Variants in NELL1 observed in about 807,000 individuals in gnomAD.
The protein encoded by NELL1 is protein kinase C-binding protein NELL1.
Under a neutral mutation model 107.4 loss-of-function variants are expected in NELL1, and 76 were observed. That is an observed-to-expected ratio of 0.71 (90% confidence interval 0.59 to 0.86). The LOEUF (loss-of-function observed/expected upper bound fraction) is 0.86. NELL1 is among the 40% of genes least tolerant of loss of function. The pLI is 0.00. For synonymous variants in NELL1, 353 were observed against 341.2 expected (o/e 1.03, Z -0.38); for missense variants, 1,024 against 1,005.5 (o/e 1.02, Z -0.25).
intron 14 of NELL1, among the ~76,000 whole-genome samples, chr11:21,364,018 T>C (rs896902806): frequency 3.3e-5 from 5 of 152,202 alleles, no homozygotes; most frequent in Admixed American, 3.3e-4. Context: ...GTCTCTGTTA[T>C]ACCTACATTC....
chr11:21,284,925 G>A (rs909780217), intron 14 of NELL1: 12 of 224,086 alleles, frequency 5.4e-5, no homozygotes, highest in Non-Finnish European at 8.1e-5. Flanking sequence ...AAACATCATA[G>A]ACCACATTTG....
chr11:21,559,017 A>G (rs892190783), intron 16 of NELL1, among the ~76,000 whole-genome samples: 3 of 152,124 alleles, frequency 2.0e-5, no homozygotes, highest in African/African-American at 4.8e-5. Flanking sequence ...GATCTTTTCT[A>G]TAATTTTCAA....
chr11:21,198,991 C>A (rs1304728478), intron 13 of NELL1, among the ~76,000 whole-genome samples: 1 of 152,058 alleles, frequency 6.6e-6, no homozygotes, highest in African/African-American at 2.4e-5. Flanking sequence ...CAAGGCAGGG[C>A]CAGTGTCTGT....
chr11:21,288,671 G>A (rs1849183235), intron 14 of NELL1, among the ~76,000 whole-genome samples: 1 of 152,208 alleles, frequency 6.6e-6, no homozygotes, highest in South Asian at 2.1e-4. Flanking sequence ...TCAAAATTAA[G>A]TAAGATTGTT....
rs181281192 is a variant in NELL1 at position 21,147,286 on chromosome 11, C to G, written c.1426+33572C>G. Among the ~76,000 whole-genome samples the G allele has an allele frequency of 3.9e-5, 6 of 152,192 alleles. No homozygotes were observed. In the East Asian group the frequency reaches 9.7e-4, roughly 25 times the overall value. On this transcript the variant is annotated intron_variant, in intron 13 of 19. Coordinates refer to ENST00000357134, the MANE Select transcript of NELL1 (RefSeq NM_006157.5). ...GCTGAGAGTTTTCTCAGAGCCTTTG[C>G]TAGCTAAGGAACATTTTGAATCTCT... is the stretch of plus-strand genomic sequence containing the variant.
chr11:21,002,330 T>C (rs1379976068), intron 12 of NELL1, among the ~76,000 whole-genome samples: 1 of 76,634 alleles, frequency 1.3e-5, no homozygotes, highest in African/African-American at 1.5e-4. Flanking sequence ...GGAAAGTCTG[T>C]GCAGATATTT....
intron 15 of NELL1, among the ~76,000 whole-genome samples, chr11:21,490,161 GA>G (rs944528445): frequency 6.6e-5 from 10 of 151,564 alleles, no homozygotes; most frequent in African/African-American, 2.4e-4. Flanking sequence ...ACTAGCAGAG[GA>G]AAAAAATCAA....
chr11:21,091,488 A>G (rs191632643), intron 12 of NELL1, among the ~76,000 whole-genome samples: 47 of 152,334 alleles, frequency 3.1e-4, no homozygotes, highest in Middle Eastern at 3.4e-3. Context: ...TTTTTAATGC[A>G]TTTTCAACTA....
intron 5 of NELL1, among the ~76,000 whole-genome samples, chr11:20,912,918 T>C (rs986115108): frequency 7.2e-5 from 11 of 152,286 alleles, no homozygotes; most frequent in African/African-American, 2.6e-4. Flanking sequence ...TGGGGAATCT[T>C]ACACATTTGA....
chr11:21,435,414 A>G (rs1177814381), intron 15 of NELL1, among the ~76,000 whole-genome samples: 1 of 147,112 alleles, frequency 6.8e-6, no homozygotes, highest in Non-Finnish European at 1.5e-5. Context: ...TACCATGAAG[A>G]GATGTTAGCT....
At chr11:20,840,536 C>T (rs1460928019) in intron 3 of NELL1, among the ~76,000 whole-genome samples, 1 of 152,192 alleles carries the variant, frequency 6.6e-6, no homozygotes, top group Non-Finnish European at 1.5e-5. Context: ...GCTGGGATCC[C>T]AGTTGGGGTT....
At chr11:21,367,243 G>A (rs1851245053) in intron 14 of NELL1, among the ~76,000 whole-genome samples, 1 of 144,890 alleles carries the variant, frequency 6.9e-6, no homozygotes, top group Non-Finnish European at 1.5e-5. Flanking sequence ...TATAATGACA[G>A]ATTCAGGTTT....
At chr11:21,320,639 C>T (rs1178912797) in intron 14 of NELL1, among the ~76,000 whole-genome samples, 1 of 152,264 alleles carries the variant, frequency 6.6e-6, no homozygotes, top group East Asian at 1.9e-4. Flanking sequence ...AGGGCTGAGG[C>T]TCTTAATTGC....
chr11:21,498,334 T>TATATATATATATAC (rs1386023770), intron 15 of NELL1, among the ~76,000 whole-genome samples: 2 of 57,442 alleles, frequency 3.5e-5, no homozygotes, highest in African/African-American at 7.6e-5. Context: ...ATAAACATAT[T>TATATATATATATAC]ATATATATAT....
intron 13 of NELL1, among the ~76,000 whole-genome samples, chr11:21,203,468 T>C (rs1452374260): frequency 7.1e-6 from 1 of 140,858 alleles, no homozygotes; most frequent in East Asian, 2.1e-4. Context: ...ATTTGCGTGG[T>C]AAATATTCCT....
intron 12 of NELL1, among the ~76,000 whole-genome samples, chr11:21,039,065 A>T (rs1309033977): frequency 2.0e-5 from 3 of 152,158 alleles, no homozygotes; most frequent in African/African-American, 7.2e-5. Context: ...AGGGGGTGAT[A>T]AGGGGTTGAA....
intron 2 of NELL1, among the ~76,000 whole-genome samples, chr11:20,768,351 T>G (rs1466623583): frequency 6.6e-6 from 1 of 152,200 alleles, no homozygotes; most frequent in African/African-American, 2.4e-5. Flanking sequence ...TCAAACAAGT[T>G]TAAAGGGCAC....
At chr11:21,156,063 G>A (rs183669853) in intron 13 of NELL1, among the ~76,000 whole-genome samples, 1 of 152,128 alleles carries the variant, frequency 6.6e-6, no homozygotes. Context: ...AGTTGGGACA[G>A]GGGGCAGGAT....
At chr11:21,454,063 T>A (rs1243830358) in intron 15 of NELL1, among the ~76,000 whole-genome samples, 1 of 144,326 alleles carries the variant, frequency 6.9e-6, no homozygotes, top group African/African-American at 2.6e-5. Context: ...TATCTCCCAA[T>A]GCTATCCTTC....
Sources: gnomAD v4.1 joint callset for allele counts (sites outside exome capture counted in the v4.1 genomes callset) on GRCh38, gnomAD v4.1.1 for gene constraint, MANE v1.5 for transcripts, NCBI Gene and HGNC (gene_info 2026-07-23, HGNC 2026-07-21) for gene names.